CAST: variants seen among roughly 807,000 people sequenced by gnomAD.
The protein encoded by CAST is calpastatin.
A neutral mutation model predicts 119.6 loss-of-function variants in CAST; 76 were observed. That is an observed-to-expected ratio of 0.64 (90% CI 0.53 to 0.77). CAST has a LOEUF of 0.77. Among genes scored for constraint, CAST ranks in the 30% least tolerant of loss-of-function variants. The probability of loss-of-function intolerance (pLI) is 0.00; values close to 1 mark genes in which losing one functional copy is unlikely to be tolerated. For synonymous variants in CAST, 319 were observed against 331.6 expected (o/e 0.96, Z 0.41); for missense variants, 953 against 946.5 (o/e 1.01, Z -0.09).
chr5:96,574,921 A>G (rs1746641816), intron 1 of CAST, among the ~76,000 whole-genome samples: 1 of 152,172 alleles, frequency 6.6e-6, no homozygotes, highest in Non-Finnish European at 1.5e-5. Context: ...TGCCATTCCA[A>G]ATAAACCATA....
chr5:96,209,597 A>T, the CAST span, among the ~76,000 whole-genome samples: 5 of 151,984 alleles, frequency 3.3e-5, no homozygotes, highest in African/African-American at 1.2e-4. Flanking sequence ...TGGATATGAA[A>T]TTTTTTATTG....
chr5:96,539,478 T>C (rs940949590), intron 1 of CAST, among the ~76,000 whole-genome samples: 3 of 152,218 alleles, frequency 2.0e-5, no homozygotes, highest in East Asian at 1.9e-4. Context: ...CTCATGTTTC[T>C]ATGTCATCAC....
chr5:96,218,878 T>A, the CAST span, among the ~76,000 whole-genome samples: 13 of 152,086 alleles, frequency 8.5e-5, no homozygotes, highest in Admixed American at 7.8e-4. Flanking sequence ...AAGTTTAGAG[T>A]CAGGCAGCCC....
At chr5:96,675,641 T>C in intron 2 of CAST, 40 bp downstream of exon 2, 1 of 1,425,468 alleles carries the variant, frequency 7.0e-7, no homozygotes, top group South Asian at 1.2e-5. Context: ...TCTCTTGCTT[T>C]TAAACTGTGA....
At chr5:96,431,989 G>C in the CAST span, 32 of 842,430 alleles carry the variant, frequency 3.8e-5, no homozygotes, top group African/African-American at 4.7e-4. Context: ...TTAATGTCTT[G>C]ACGCCCACCC....
chr5:96,243,190 T>G, the CAST span, among the ~76,000 whole-genome samples: 1 of 152,062 alleles, frequency 6.6e-6, no homozygotes. Context: ...TTTTTTTTTT[T>G]TTTCTTTACA....
chr5:96,129,204 A>G, the CAST span, among the ~76,000 whole-genome samples: 2 of 152,174 alleles, frequency 1.3e-5, no homozygotes, highest in Non-Finnish European at 2.9e-5. Context: ...TATACTGTGC[A>G]TATTCATTCT....
chr5:96,733,332 AT>A (rs1442189304), intron 9 of CAST, among the ~76,000 whole-genome samples: 1 of 152,230 alleles, frequency 6.6e-6, no homozygotes, highest in Non-Finnish European at 1.5e-5. Flanking sequence ...GTTAAAATAG[AT>A]TTTTAAATGT....
At chr5:96,154,411 A>G in the CAST span, among the ~76,000 whole-genome samples, 4 of 152,216 alleles carry the variant, frequency 2.6e-5, no homozygotes, top group African/African-American at 9.6e-5. Context: ...TTACATTTAT[A>G]GGAAAATTGC....
chr5:96,425,748 T>A, the CAST span: 4 of 816,640 alleles, frequency 4.9e-6, no homozygotes, highest in African/African-American at 1.7e-5. Flanking sequence ...AAAAAATCCA[T>A]GTTGCAAATG....
At chr5:96,236,646 A>G in the CAST span, among the ~76,000 whole-genome samples, 1 of 152,160 alleles carries the variant, frequency 6.6e-6, no homozygotes, top group Non-Finnish European at 1.5e-5. Context: ...TTTCTGCTGA[A>G]CTTTCTGATA....
chr5:96,069,373 G>A, the CAST span, among the ~76,000 whole-genome samples: 1 of 110,510 alleles, frequency 9.0e-6, no homozygotes, highest in Non-Finnish European at 2.0e-5. Flanking sequence ...GTGTGTGTGT[G>A]TGTGTGTGTC....
chr5:96,188,285 C>A, the CAST span, among the ~76,000 whole-genome samples: 3 of 152,064 alleles, frequency 2.0e-5, no homozygotes, highest in East Asian at 5.8e-4. Context: ...TTGCAAATCT[C>A]ATTCTCCTGA....
chr5:96,639,051 G>T (rs1214216680), intron 1 of CAST, among the ~76,000 whole-genome samples: 2 of 152,132 alleles, frequency 1.3e-5, no homozygotes, highest in African/African-American at 4.8e-5. Flanking sequence ...CCATGTGTTG[G>T]CATTTGGCCC....
the CAST span, among the ~76,000 whole-genome samples, chr5:96,484,392 G>T: frequency 1.2e-3 from 176 of 152,264 alleles, 1 homozygote; most frequent in African/African-American, 3.8e-3. Context: ...ACTATACTTT[G>T]CCCTTCTACA....
At chr5:96,355,225 C>T in the CAST span, among the ~76,000 whole-genome samples, 55 of 151,748 alleles carry the variant, frequency 3.6e-4, no homozygotes, top group South Asian at 5.3e-3. Context: ...GTTCCCCTCC[C>T]TGTGTCCATG....
the CAST span, among the ~76,000 whole-genome samples, chr5:96,441,558 T>C: frequency 6.6e-6 from 1 of 152,156 alleles, no homozygotes; most frequent in Non-Finnish European, 1.5e-5. Flanking sequence ...TCAGTAGCGA[T>C]GGGTTTAAGG....
the CAST span, chr5:96,400,234 C>A: frequency 2.9e-6 from 4 of 1,375,856 alleles, no homozygotes; most frequent in Non-Finnish European, 4.2e-6. Context: ...AATGAAGTTT[C>A]CTTGCAAAAG....
At chr5:96,536,968 C>T (rs917715191) in intron 1 of CAST, among the ~76,000 whole-genome samples, 2 of 152,204 alleles carry the variant, frequency 1.3e-5, no homozygotes, top group Non-Finnish European at 2.9e-5. Context: ...CTCCTATGAG[C>T]ACCCAGAACT....
Sources: allele counts gnomAD v4.1 joint callset (sites outside exome capture counted in the v4.1 genomes callset), GRCh38; gene constraint gnomAD v4.1.1; transcripts MANE v1.5; gene names NCBI Gene and HGNC (gene_info 2026-07-23, HGNC 2026-07-21).